The following KREMEN1 variants were observed in gnomAD, a reference collection of about 807,000 sequenced individuals.
KREMEN1 encodes the protein kringle containing transmembrane protein 1.
A neutral mutation model predicts 46.5 loss-of-function variants in KREMEN1; 30 were observed. The observed-to-expected ratio is 0.65, with a 90% CI of 0.48 to 0.88. The LOEUF is 0.88. KREMEN1 is among the 40% of genes least tolerant of loss of function. The pLI is 0.00. For missense variants in KREMEN1, 533 were observed against 596.9 expected (o/e 0.89, Z 1.11); for synonymous variants, 214 against 230.6 (o/e 0.93, Z 0.65).
chr22:29,110,637 GCTTA>G (rs994142063), intron 3 of KREMEN1, among the ~76,000 whole-genome samples: 1 of 152,150 alleles, frequency 6.6e-6, no homozygotes, highest in Non-Finnish European at 1.5e-5. Context: ...AAAAAGCTGT[GCTTA>G]CTTATTTATT....
intron 1 of KREMEN1, among the ~76,000 whole-genome samples, chr22:29,089,674 G>A (rs2037779201): frequency 6.6e-6 from 1 of 152,122 alleles, no homozygotes. Context: ...CTTACACTTA[G>A]AACAAAAGCC....
chr22:29,143,164 A>T lies in KREMEN1; in HGVS notation c.*1052A>T, dbSNP rs762912044. On this transcript the variant is annotated 3_prime_UTR_variant, in exon 9 of 9. Coordinates refer to ENST00000400335, the MANE Select transcript of KREMEN1 (RefSeq NM_001039570.3). Reference sequence around the variant, plus strand: ...AGACTCTGTCTCAAAAAAACAAAACACAAATAAACAAAAAAAATCCATTCA... The same window carrying T: ...AGACTCTGTCTCAAAAAAACAAAACTCAAATAAACAAAAAAAATCCATTCA... The T allele has an allele frequency of 1.3e-4, 128 of 983,602 alleles. No homozygotes were observed. Among genetic ancestry groups the T allele is most frequent in the Admixed American group, 1.8e-4 (3 of 16,252 alleles). The allele number at this position is 983,602 out of a possible 1,614,324, so 60.9% of individuals were successfully genotyped here. A position where few individuals can be genotyped will look rare whatever the true frequency, so the allele number is the denominator to read the frequency against.
At chr22:29,100,985 C>G (rs559585559) in intron 3 of KREMEN1, among the ~76,000 whole-genome samples, 187 of 152,256 alleles carry the variant, frequency 1.2e-3, no homozygotes, top group Non-Finnish European at 2.1e-3. Context: ...GGCACGTTGG[C>G]TCACGCCTGT....
chr22:29,139,437 A>C (rs989141189), intron 7 of KREMEN1, among the ~76,000 whole-genome samples: 2 of 151,910 alleles, frequency 1.3e-5, no homozygotes, highest in Admixed American at 1.3e-4. Context: ...CCCTTTCTCT[A>C]CAAAAAATAA....
At position 29,142,792 on chromosome 22, in the gene KREMEN1, T is replaced by C. The variant is rs970105296; in HGVS notation, c.*680T>C. The C allele has an allele frequency of 1.9e-4, 188 of 985,332 alleles. No homozygotes were observed. Among genetic ancestry groups the C allele is most frequent in the Non-Finnish European group, 2.2e-4 (183 of 829,940 alleles). 61.0% of individuals were successfully genotyped at this position (985,332 alleles called of 1,614,324 possible). ...CTGATACCTTACACATGGGCTTCTT[T>C]CTAGATTCTTCTTTCCATAGCTCAT... is the stretch of plus-strand genomic sequence containing the variant. On this transcript the variant is annotated 3_prime_UTR_variant, in exon 9 of 9. Coordinates refer to ENST00000400335, the MANE Select transcript of KREMEN1 (RefSeq NM_001039570.3).
intron 9 of KREMEN1, among the ~76,000 whole-genome samples, chr22:29,161,506 C>CAAAAA (rs35296953): frequency 1.1e-4 from 7 of 63,348 alleles, no homozygotes; most frequent in African/African-American, 2.6e-4. Flanking sequence ...GACTCCATCT[C>CAAAAA]AAAAAAAAAA....
intron 5 of KREMEN1, among the ~76,000 whole-genome samples, chr22:29,125,959 G>A (rs1184606152): frequency 6.6e-6 from 1 of 152,050 alleles, no homozygotes; most frequent in Non-Finnish European, 1.5e-5. Context: ...TTCAGAATGG[G>A]AGTGGATCCA....
intron 5 of KREMEN1, among the ~76,000 whole-genome samples, chr22:29,128,603 A>G (rs2038482885): frequency 6.6e-6 from 1 of 152,226 alleles, no homozygotes; most frequent in East Asian, 1.9e-4. Context: ...TGGTACTACT[A>G]GGAAAGAGTA....
rs756793609 is a variant in KREMEN1, at chr22:29,138,766, A to G, written c.1107A>G (p.Pro369=). ...LYVITTSPSH[P]PQTVPGWTVY... ...TCATCACCACCAGCCCCAGCCACCC[A>G]CCTCAGACTGTCCCAGGTAGCAATT... Residue 369 remains proline, a synonymous_variant, in exon 7 of 9, where the codon CCA becomes CCG. Transcript: ENST00000400335. 6.2e-7 allele frequency: 1 copy of G among 1,614,108 alleles called. No individual in the cohort carries two copies.
intron 1 of KREMEN1, among the ~76,000 whole-genome samples, chr22:29,074,631 G>C (rs78590822): frequency 0.017 from 2,641 of 152,328 alleles, 76 homozygotes; most frequent in African/African-American, 0.061. Context: ...GCAGGAGTAG[G>C]AAAACCCGCC....
chr22:29,131,612 GTA>G lies in KREMEN1; in HGVS notation c.632-5722_632-5721del, dbSNP rs1369375398. 5.6e-4 allele frequency among the ~76,000 whole-genome samples: 73 copies of G among 129,732 alleles called. 2 individuals carry two copies. Among genetic ancestry groups the G allele is most frequent in the African/African-American group, 1.3e-3 (39 of 30,480 alleles). The allele number at this position is 129,732 out of a possible 152,430, so 85.1% of individuals were successfully genotyped here. Reference sequence around the variant, plus strand: ...TGTGTGTGTATATGTATATATGTGTGTATATATATGTATATATGTATATATAT... The same window carrying G: ...TGTGTGTGTATATGTATATATGTGTGTATATATGTATATATGTATATATAT... On this transcript the variant is annotated intron_variant, in intron 5 of 8. Coordinates refer to ENST00000400335, the MANE Select transcript of KREMEN1 (RefSeq NM_001039570.3).
chr22:29,165,634 G>A (rs1569344825), intron 9 of KREMEN1, among the ~76,000 whole-genome samples: 2 of 152,128 alleles, frequency 1.3e-5, no homozygotes, highest in East Asian at 1.9e-4. Flanking sequence ...CTCAAAAGAG[G>A]GAATTTTGCT....
intron 5 of KREMEN1, chr22:29,134,019 T>G (rs533569659): frequency 2.0e-5 from 3 of 152,304 alleles, no homozygotes; most frequent in Admixed American, 2.0e-4. Flanking sequence ...CTTCAGTGCT[T>G]GCTTCAGCAG....
chr22:29,159,527 G>A (rs1018894619), intron 9 of KREMEN1, among the ~76,000 whole-genome samples: 6 of 152,136 alleles, frequency 3.9e-5, no homozygotes, highest in African/African-American at 1.4e-4. Flanking sequence ...GCTGAGGCAG[G>A]AGAATTGCAT....
chr22:29,167,116 C>G (rs1296029195), exon 10 of KREMEN1: 8 of 1,550,322 alleles, frequency 5.2e-6, no homozygotes, highest in Non-Finnish European at 7.0e-6. Flanking sequence ...ACTGTAGACA[C>G]AACTAGGCTC....
chr22:29,075,330 T>G (rs1043161046), intron 1 of KREMEN1, among the ~76,000 whole-genome samples: 3 of 152,168 alleles, frequency 2.0e-5, no homozygotes, highest in Non-Finnish European at 4.4e-5. Flanking sequence ...GCAGCTCTGA[T>G]TTGCATCAAG....
At chr22:29,083,147 T>C (rs2145741899) in intron 1 of KREMEN1, among the ~76,000 whole-genome samples, 1 of 152,276 alleles carries the variant, frequency 6.6e-6, no homozygotes, top group East Asian at 1.9e-4. Context: ...AGTATGAAAT[T>C]TTATTTCAAG....
intron 3 of KREMEN1, among the ~76,000 whole-genome samples, chr22:29,103,088 T>G (rs2038000167): frequency 6.6e-6 from 1 of 152,212 alleles, no homozygotes; most frequent in Non-Finnish European, 1.5e-5. Flanking sequence ...TTAACAGAGA[T>G]ACAGCCATCC....
At chr22:29,115,359 C>T (rs372528169) in intron 3 of KREMEN1, among the ~76,000 whole-genome samples, 3 of 151,754 alleles carry the variant, frequency 2.0e-5, no homozygotes, top group Admixed American at 6.6e-5. Context: ...GATGGGTGCA[C>T]CAAAATCTCA....
Sources: allele counts gnomAD v4.1 joint callset (sites outside exome capture counted in the v4.1 genomes callset), GRCh38; gene constraint gnomAD v4.1.1; transcripts MANE v1.5; gene names NCBI Gene and HGNC (gene_info 2026-07-23, HGNC 2026-07-21).